The following TBC1D16 variants were observed in gnomAD, a reference collection of about 807,000 sequenced individuals.
The protein encoded by TBC1D16 is CTD-2529O21.1.
A neutral mutation model predicts 74.7 loss-of-function variants in TBC1D16; 58 were observed. That is an observed-to-expected ratio of 0.78 (90% CI 0.63 to 0.97). The LOEUF is 0.97. Ranked by LOEUF, TBC1D16 falls within the 50% of genes least tolerant of loss-of-function variation. The pLI is 0.00. For synonymous variants in TBC1D16, 493 were observed against 474.7 expected, an observed-to-expected ratio of 1.04 and a Z score of -0.50; for missense variants, 1,014 against 1,079.5, an observed-to-expected ratio of 0.94 and a Z score of 0.85.
At position 79,975,724 on chromosome 17, in the gene TBC1D16, C is replaced by A. The variant is rs2034304330; in HGVS notation, c.780-22906G>T. On this transcript the variant is annotated intron_variant, in intron 3 of 11. Transcript: ENST00000310924. The surrounding 1 kb of genome is among the most constrained non-coding windows in gnomAD (Gnocchi z 4.5). ...CTTCGGGACCCCCAGCCAGCCCAAACCTGTCGCTGGCTGCCCACTAACGCT... is the reference window on the plus strand; with the variant it reads ...CTTCGGGACCCCCAGCCAGCCCAAAACTGTCGCTGGCTGCCCACTAACGCT... 6.6e-6 allele frequency among the ~76,000 whole-genome samples: 1 copy of A among 152,208 alleles called. No individual in the cohort carries two copies. Among genetic ancestry groups the A allele is most frequent in the East Asian group, 1.9e-4 (1 of 5,204 alleles).
rs62647775 is a variant in TBC1D16, at chr17:80,024,527, G to C, written c.-62-10918C>G. 1.1e-4 allele frequency among the ~76,000 whole-genome samples: 14 copies of C among 129,448 alleles called. 3 individuals carry two copies. Among genetic ancestry groups the C allele is most frequent in the South Asian group, 2.4e-4 (1 of 4,216 alleles). The allele number at this position is 129,448 out of a possible 152,430, so 84.9% of individuals were successfully genotyped here. On this transcript the variant is annotated intron_variant, in intron 1 of 11. Coordinates refer to ENST00000310924, the MANE Select transcript of TBC1D16 (RefSeq NM_019020.4). The stretch of plus-strand genomic sequence containing the variant: ...ACCATAGACAAACCACGCACACCAT[G>C]CACACACCACACACCATATACACAC...
At position 80,010,521 on chromosome 17, in the gene TBC1D16, C is replaced by A. The variant is rs1446335850; in HGVS notation, c.418G>T (p.Asp140Tyr). Residue 140 changes from aspartate (D) to tyrosine (Y), a missense_variant, in exon 3 of 12, where the codon GAC (aspartate) becomes TAC (tyrosine). Transcript: ENST00000310924. This position sits in a 1 kb window ranked among gnomAD's most constrained non-coding sequence, Gnocchi z 8.8. ...LRPTLTPKDE[D>Y]ILVVAQSVPD... ...ACACTCTGGGCCACCACCAGGATGT[C>A]CTCATCTTTGGGGGTCAGGGTAGGC... The A allele has an allele frequency of 6.2e-7, 1 of 1,611,122 alleles. No homozygotes were observed. Among genetic ancestry groups the A allele is most frequent in the Non-Finnish European group, 8.5e-7 (1 of 1,178,938 alleles).
chr17:80,015,099 C>T (rs964085738), intron 1 of TBC1D16, among the ~76,000 whole-genome samples: 1 of 152,164 alleles, frequency 6.6e-6, no homozygotes, highest in African/African-American at 2.4e-5. Flanking sequence ...CACAAACACA[C>T]ACACCAAGCC....
chr17:79,979,616 G>A lies in TBC1D16; in HGVS notation c.780-26798C>T, dbSNP rs556374408. On this transcript the variant is annotated intron_variant, in intron 3 of 11. Transcript: ENST00000310924. This position sits in a 1 kb window ranked among gnomAD's most constrained non-coding sequence, Gnocchi z 4.8. ...TTCCTGTCGCAGGTCCAGGTTATTC[G>A]GTGCCATAAAAAGGCACACGTCGAC... Among the ~76,000 whole-genome samples, 25 of 151,974 alleles carry A rather than the reference G, an allele frequency of 1.6e-4. 1 individual carries two copies. Among genetic ancestry groups the A allele is most frequent in the Admixed American group, 4.6e-4 (7 of 15,260 alleles).
chr17:79,939,625 G>A lies in TBC1D16; in HGVS notation c.*1234C>T, dbSNP rs1166412007. ...ATGGCTCGACACTTCTAAGCTGGCTGGGAGTTCTCACAGCATAGATCGCAC... is the reference window on the plus strand; with the variant it reads ...ATGGCTCGACACTTCTAAGCTGGCTAGGAGTTCTCACAGCATAGATCGCAC... On this transcript the variant is annotated 3_prime_UTR_variant, in exon 12 of 12. Coordinates refer to ENST00000310924, the MANE Select transcript of TBC1D16 (RefSeq NM_019020.4). 6.6e-6 allele frequency: 1 copy of A among 152,184 alleles called. No individual in the cohort carries two copies. The highest frequency in any genetic ancestry group is 6.5e-5 in the Admixed American group (1 of 15,282). 9.4% of individuals were successfully genotyped at this position (152,184 alleles called of 1,614,324 possible). A position where few individuals can be genotyped will look rare whatever the true frequency, so the allele number is the denominator to read the frequency against.
Position 79,950,479 on chromosome 17 carries a change from C to A in TBC1D16, c.1189G>T (p.Gly397Cys). ...AGGTGGTTGAGCCAGGCGGAGACGC[C>A]GAGCCTCTTGTACATGCTCTCCTCG... ...HPEESMYKRL[G>C]VSAWLNHLNE... is the part of the protein sequence containing the mutation. Residue 397 changes from glycine (G) to cysteine (C), a missense_variant, in exon 6 of 12, where the codon GGC becomes TGC. Physicochemically the swap from Gly to Cys is radical, Grantham distance 159 (BLOSUM62 -3). Transcript: ENST00000310924. This position sits in a 1 kb window ranked among gnomAD's most constrained non-coding sequence, Gnocchi z 4.6. The A allele has an allele frequency of 6.2e-7, 1 of 1,612,892 alleles. No individual in the cohort carries two copies. The highest frequency in any genetic ancestry group is 8.5e-7 in the Non-Finnish European group (1 of 1,179,828).
At position 79,941,081 on chromosome 17, in the gene TBC1D16, G is replaced by A. The variant is rs1367519347; in HGVS notation, c.2082C>T (p.Arg694=). 6.3e-7 allele frequency: 1 copy of A among 1,589,324 alleles called. No individual in the cohort carries two copies. The highest frequency in any genetic ancestry group is 2.3e-5 in the East Asian group (1 of 43,564). The change falls in exon 12 of 12, where the codon CGC becomes CGT. Residue 694 remains arginine, a synonymous_variant. Transcript: ENST00000310924. The surrounding 1 kb of genome is among the most constrained non-coding windows in gnomAD (Gnocchi z 4.3). The stretch of plus-strand genomic sequence containing the variant: ...GGCTGCAGGGGATCCGGGGCAGGAG[G>A]CGGAACTGGTACAGCAAACTCCTCG... ...RKARSLLYQF[R]LLPRIPCSLH...
At chr17:79,965,464 G>A (rs1199709567) in intron 3 of TBC1D16, among the ~76,000 whole-genome samples, 1 of 152,204 alleles carries the variant, frequency 6.6e-6, no homozygotes, top group African/African-American at 2.4e-5. Context: ...AGAAAAAGGT[G>A]AGGCAAAATA....
In TBC1D16 at chr17:80,010,599, G is replaced by T. The variant is rs779669360; in HGVS notation, c.340C>A (p.Arg114=). 1.4e-5 allele frequency: 22 copies of T among 1,586,878 alleles called. No individual in the cohort carries two copies. The highest frequency in any genetic ancestry group is 1.8e-5 in the Non-Finnish European group (21 of 1,169,242). The change falls in exon 3 of 12, where the codon CGG becomes AGG. Residue 114 remains arginine (R), a synonymous_variant. Transcript: ENST00000310924. This position sits in a 1 kb window ranked among gnomAD's most constrained non-coding sequence, Gnocchi z 8.8. ...PVRKAPRPRG[R]RTRSSGASHQ... ...GAGGCTCCTGAGCTCCGGGTGCGCCGGCCCCGAGGGCGGGGTGCCTTGCGA... is the reference window on the plus strand; with the variant it reads ...GAGGCTCCTGAGCTCCGGGTGCGCCTGCCCCGAGGGCGGGGTGCCTTGCGA...
intron 3 of TBC1D16, among the ~76,000 whole-genome samples, chr17:79,999,133 G>A (rs986958205): frequency 2.0e-5 from 3 of 152,024 alleles, no homozygotes; most frequent in Non-Finnish European, 2.9e-5. Context: ...GTGGGCACCT[G>A]TAGTCCCAGC....
At chr17:80,027,523 T>C (rs539436752) in intron 1 of TBC1D16, among the ~76,000 whole-genome samples, 1 of 151,546 alleles carries the variant, frequency 6.6e-6, no homozygotes, top group South Asian at 2.1e-4. Context: ...CGCTCGACCC[T>C]GGGAGTTGAG....
chr17:79,958,664 G>T (rs1349953002), intron 3 of TBC1D16, among the ~76,000 whole-genome samples: 2 of 152,182 alleles, frequency 1.3e-5, no homozygotes, highest in Non-Finnish European at 2.9e-5. Flanking sequence ...TACATGCACA[G>T]ATGCAGAAAA....
intron 3 of TBC1D16, among the ~76,000 whole-genome samples, chr17:79,997,097 G>T (rs1380013357): frequency 3.3e-5 from 5 of 152,308 alleles, no homozygotes; most frequent in African/African-American, 1.2e-4. Context: ...GTTGCCCTGT[G>T]CCAGGGCAGC....
At position 79,944,261 on chromosome 17, in the gene TBC1D16, G is replaced by A. The variant is rs757228398; in HGVS notation, c.1908+647C>T. ...AAAAGGGTCCAGCCCTCCTGGATGC[G>A]TCGATGTGAGTTTTTTTTTTAAAAG... On this transcript the variant is annotated intron_variant, in intron 10 of 11. Coordinates refer to ENST00000310924, the MANE Select transcript of TBC1D16 (RefSeq NM_019020.4). The surrounding 1 kb of genome is among the most constrained non-coding windows in gnomAD (Gnocchi z 7.7). Among the ~76,000 whole-genome samples the A allele has an allele frequency of 1.3e-5, 2 of 152,176 alleles. No individual in the cohort carries two copies. The highest frequency in any genetic ancestry group is 4.8e-5 in the African/African-American group (2 of 41,422).
At chr17:80,028,728 A>G (rs1171155080) in intron 1 of TBC1D16, among the ~76,000 whole-genome samples, 1 of 151,356 alleles carries the variant, frequency 6.6e-6, no homozygotes, top group Non-Finnish European at 1.5e-5. Context: ...GGTTCAAGCA[A>G]TTCTCCAGAG....
intron 1 of TBC1D16, among the ~76,000 whole-genome samples, chr17:80,018,115 A>C (rs957762398): frequency 6.6e-6 from 1 of 151,774 alleles, no homozygotes; most frequent in Non-Finnish European, 1.5e-5. Context: ...CGTCCTCTAG[A>C]CCAGCCATGT....
chr17:79,998,514 ATT>A (rs376951265), intron 3 of TBC1D16, among the ~76,000 whole-genome samples: 5 of 131,816 alleles, frequency 3.8e-5, no homozygotes, highest in Admixed American at 7.9e-5. Context: ...TATTATTATA[ATT>A]TTTTTTTTTT....
chr17:80,013,116 C>A (rs1415247625), intron 2 of TBC1D16, among the ~76,000 whole-genome samples: 1 of 152,252 alleles, frequency 6.6e-6, no homozygotes, highest in Non-Finnish European at 1.5e-5. Context: ...CCAGGCAGGC[C>A]TGAGGGATCA....
chr17:79,969,490 G>A (rs1013662884), intron 3 of TBC1D16, among the ~76,000 whole-genome samples: 1 of 152,210 alleles, frequency 6.6e-6, no homozygotes, highest in Non-Finnish European at 1.5e-5. Context: ...ATAAGTGTTG[G>A]TGAGGAGGTC....
Sources: allele counts gnomAD v4.1 joint callset (sites outside exome capture counted in the v4.1 genomes callset), GRCh38; gene constraint gnomAD v4.1.1; non-coding constraint Gnocchi (gnomAD v3.1); transcripts MANE v1.5; gene names NCBI Gene and HGNC (gene_info 2026-07-23, HGNC 2026-07-21).